HYDIN: variants seen among roughly 807,000 people sequenced by gnomAD.
The protein encoded by HYDIN is HYDIN axonemal central pair apparatus protein.
A neutral mutation model predicts 403.9 loss-of-function variants in HYDIN; 132 were observed. The ratio of observed to expected loss-of-function variants is 0.33; its 90% confidence interval spans 0.28 to 0.38. The LOEUF (loss-of-function observed/expected upper bound fraction) is 0.38. Ranked by LOEUF, HYDIN falls within the 10% of genes least tolerant of loss-of-function variation. The pLI, the probability that HYDIN is intolerant of heterozygous loss-of-function variation, is 1.00. For synonymous variants in HYDIN, 1,202 were observed against 1,891.7 expected (o/e 0.64, Z 9.46); for missense variants, 2,827 against 5,009.5 (o/e 0.56, Z 13.15).
chr16:70,982,152 A>C (rs543049463), intron 28 of HYDIN, among the ~76,000 whole-genome samples: 41 of 151,862 alleles, frequency 2.7e-4, no homozygotes, highest in Non-Finnish European at 5.4e-4. Context: ...GAAAAAAAAA[A>C]GAAAAATCGT....
Position 71,093,914 on chromosome 16 carries a change from A to G in HYDIN, c.1349T>C (p.Leu450Pro). ...TCCCATGCCTTCCCCTTTGATTCGGAGGGGCAGACGGATTTCTCGGCCTAG... is the reference window on the plus strand; with the variant it reads ...TCCCATGCCTTCCCCTTTGATTCGGGGGGGCAGACGGATTTCTCGGCCTAG... ...DILGREIRLP[L>P]RIKGEGMGPK... Residue 450 changes from leucine to proline, a missense_variant, in exon 11 of 86, where the codon CTC (leucine) becomes CCC (proline). Leu to Pro is a moderately conservative substitution (Grantham distance 98). Transcript: ENST00000393567. 1 of 1,613,610 alleles carries G rather than the reference A, an allele frequency of 6.2e-7. No homozygotes were observed. The highest frequency in any genetic ancestry group is 1.1e-5 in the South Asian group (1 of 90,948).
At chr16:71,110,714 G>A (rs1281655550) in intron 10 of HYDIN, among the ~76,000 whole-genome samples, 1 of 149,758 alleles carries the variant, frequency 6.7e-6, no homozygotes, top group Non-Finnish European at 1.5e-5. Flanking sequence ...TTGGGTCAGG[G>A]AGCCCATACT....
chr16:70,986,330 T>C (rs532072074), intron 27 of HYDIN, among the ~76,000 whole-genome samples: 2 of 151,358 alleles, frequency 1.3e-5, no homozygotes, highest in East Asian at 2.0e-4. Flanking sequence ...CAGGCCACTT[T>C]GGGGGTCCTT....
At position 70,850,594 on chromosome 16, in the gene HYDIN, A is replaced by C. The variant is rs1279283418; in HGVS notation, c.12505T>G (p.Cys4169Gly). ...GGGTGGACTTTCTTTTCCACATTGC[A>C]GATCAAATTAAAGTTCACATCTCCT... ...QEGDVNFNLI[C>G]NVEKKVHPVT... The change falls in exon 74 of 86, where the codon TGC (cysteine) becomes GGC (glycine). Residue 4169 changes from cysteine (C) to glycine (G), a missense_variant. By Grantham distance (159) the Cys-to-Gly change is radical (BLOSUM62 -3). Coordinates refer to ENST00000393567, the MANE Select transcript of HYDIN (RefSeq NM_001270974.2). 6.2e-7 allele frequency: 1 copy of C among 1,613,988 alleles called. No homozygotes were observed.
chr16:70,986,105 T>TA (rs1205317697), intron 27 of HYDIN, among the ~76,000 whole-genome samples: 1 of 118,312 alleles, frequency 8.5e-6, no homozygotes, highest in Non-Finnish European at 1.7e-5. Context: ...TAAAGTATAA[T>TA]AAAAAGAATT....
chr16:71,180,668 A>G (rs1204374366), intron 3 of HYDIN, among the ~76,000 whole-genome samples: 2 of 152,114 alleles, frequency 1.3e-5, no homozygotes, highest in Non-Finnish European at 2.9e-5. Context: ...AACTGGCACT[A>G]TATAAAAACG....
intron 1 of HYDIN, among the ~76,000 whole-genome samples, chr16:71,195,330 T>C (rs538196062): frequency 2.6e-5 from 4 of 152,020 alleles, no homozygotes; most frequent in Non-Finnish European, 5.9e-5. Context: ...TGGAAGTAAA[T>C]GTGAATGCAT....
At chr16:71,185,504 A>G (rs1200531193) in intron 2 of HYDIN, among the ~76,000 whole-genome samples, 1 of 152,198 alleles carries the variant, frequency 6.6e-6, no homozygotes, top group Non-Finnish European at 1.5e-5. Flanking sequence ...GTGTGACTAC[A>G]TCACTTAGGA....
chr16:70,907,114 A>T (rs2143773410), intron 50 of HYDIN, among the ~76,000 whole-genome samples: 2 of 152,164 alleles, frequency 1.3e-5, no homozygotes, highest in South Asian at 4.2e-4. Flanking sequence ...AACATAAGCT[A>T]AAGCAAACTC....
At chr16:71,183,600 G>A (rs1214042308) in intron 3 of HYDIN, among the ~76,000 whole-genome samples, 2 of 152,074 alleles carry the variant, frequency 1.3e-5, no homozygotes, top group African/African-American at 4.8e-5. Flanking sequence ...GAAGGTCATA[G>A]GGAAAATGCC....
At chr16:70,977,030 C>T (rs544868879) in intron 30 of HYDIN, among the ~76,000 whole-genome samples, 159 of 152,334 alleles carry the variant, frequency 1.0e-3, no homozygotes, top group Non-Finnish European at 1.6e-3. Context: ...GTGGTCCACT[C>T]TGCCCTACTC....
chr16:71,145,295 G>T (rs907518395), intron 7 of HYDIN, among the ~76,000 whole-genome samples: 1 of 149,452 alleles, frequency 6.7e-6, no homozygotes. Flanking sequence ...TAGCTCTGTC[G>T]CCAGGCTGGA....
chr16:71,061,283 G>T (rs898256498), intron 17 of HYDIN, among the ~76,000 whole-genome samples: 14 of 149,378 alleles, frequency 9.4e-5, no homozygotes, highest in Non-Finnish European at 1.6e-4. Flanking sequence ...ATGTTTTGGG[G>T]TTGGCCTGCC....
rs199672744 is a variant in HYDIN, at chr16:70,955,579, C to T, written c.6143-31G>A. 138 of 1,030,644 alleles carry T rather than the reference C, an allele frequency of 1.3e-4. 2 individuals are homozygous for T. The highest frequency in any genetic ancestry group is 5.9e-5 in the Admixed American group (3 of 50,716). The allele number at this position is 1,030,644 out of a possible 1,614,324, so 63.8% of individuals were successfully genotyped here. The stretch of plus-strand genomic sequence containing the variant: ...AAAAAGACCAGGGGGTTGAATTTCA[C>T]GGTGCTCATTTGCTCAGTGTCCCAG... On this transcript the variant is annotated intron_variant, in intron 39 of 85. Transcript: ENST00000393567.
chr16:71,035,647 G>C (rs952367009), intron 18 of HYDIN, among the ~76,000 whole-genome samples: 11 of 151,212 alleles, frequency 7.3e-5, no homozygotes, highest in Non-Finnish European at 1.6e-4. Flanking sequence ...TTTTAGATAA[G>C]TTTATGGTAG....
intron 6 of HYDIN, among the ~76,000 whole-genome samples, chr16:71,154,992 T>C (rs1319929379): frequency 1.4e-5 from 2 of 147,852 alleles, no homozygotes; most frequent in East Asian, 2.0e-4. Context: ...TTATTCTTTT[T>C]GTTATGGCTA....
At chr16:71,204,467 G>C (rs9939836) in intron 1 of HYDIN, among the ~76,000 whole-genome samples, 54,759 of 152,058 alleles carry the variant, frequency 0.36, 10,307 homozygotes, top group East Asian at 0.58. Flanking sequence ...TAGTTTGACC[G>C]TTCTCGATTG....
intron 4 of HYDIN, among the ~76,000 whole-genome samples, chr16:71,178,601 A>G (rs1170383321): frequency 6.6e-6 from 1 of 151,700 alleles, no homozygotes; most frequent in Admixed American, 6.6e-5. Context: ...ATTAATAGTA[A>G]TTTCCCTATC....
intron 75 of HYDIN, among the ~76,000 whole-genome samples, chr16:70,842,078 A>G (rs2037865858): frequency 6.6e-6 from 1 of 150,598 alleles, no homozygotes; most frequent in African/African-American, 2.5e-5. Context: ...AATCCTTTTA[A>G]TTTATTGAGG....
Sources: allele counts gnomAD v4.1 joint callset (sites outside exome capture counted in the v4.1 genomes callset), GRCh38; gene constraint gnomAD v4.1.1; transcripts MANE v1.5; gene names NCBI Gene and HGNC (gene_info 2026-07-23, HGNC 2026-07-21).